Variants in VPS53 observed in about 807,000 individuals in gnomAD.
VPS53 encodes vacuolar protein sorting-associated protein 53 homolog.
VPS53 carries 70 observed loss-of-function variants against 107.0 expected under a neutral mutation model. That is an observed-to-expected ratio of 0.65 (90% CI 0.54 to 0.80). VPS53 has a LOEUF of 0.80. Among genes scored for constraint, VPS53 ranks in the 30% least tolerant of loss-of-function variants. The pLI is 0.00. For missense variants in VPS53, 917 were observed against 1,049.4 expected (o/e 0.87, Z 1.74); for synonymous variants, 409 against 393.3 (o/e 1.04, Z -0.47).
At chr17:707,735 G>A (rs909717735) in intron 2 of VPS53, among the ~76,000 whole-genome samples, 6 of 151,278 alleles carry the variant, frequency 4.0e-5, no homozygotes, top group African/African-American at 4.9e-5. Flanking sequence ...GCCTGTAGTC[G>A]CAGCTACTCA....
rs1369822764 is a variant in VPS53, at chr17:512,650, G to C, written c.*6478C>G. ...GCTGTTGAAAAGAAAGAATGGAAAC[G>C]AGGTAATGATCCTGGAGCCTAATGG... On this transcript the variant is annotated 3_prime_UTR_variant, in exon 22 of 22. Coordinates refer to ENST00000437048, the MANE Select transcript of VPS53 (RefSeq NM_001128159.3). 1.3e-5 allele frequency: 2 copies of C among 152,198 alleles called. No individual in the cohort carries two copies. The highest frequency in any genetic ancestry group is 6.5e-5 in the Admixed American group (1 of 15,272). 9.4% of individuals were successfully genotyped at this position (152,198 alleles called of 1,614,324 possible). A position where few individuals can be genotyped will look rare whatever the true frequency, so the allele number is the denominator to read the frequency against.
rs548838426 is a variant in VPS53 at position 524,957 on chromosome 17, G to A, written c.2086-3219C>T. Among the ~76,000 whole-genome samples, 24 of 152,004 alleles carry A rather than the reference G, an allele frequency of 1.6e-4. No individual in the cohort carries two copies. Among genetic ancestry groups the A allele is most frequent in the Non-Finnish European group, 3.4e-4 (23 of 67,860 alleles). ...GCATTAATACTTATATCCATTAGAG[G>A]AATTCTTGCCCATGTAAAAACGTTC... On this transcript the variant is annotated intron_variant, in intron 19 of 21. Coordinates refer to ENST00000437048, the MANE Select transcript of VPS53 (RefSeq NM_001128159.3). The surrounding 1 kb of genome is among the most constrained non-coding windows in gnomAD (Gnocchi z 4.5).
intron 13 of VPS53, among the ~76,000 whole-genome samples, chr17:576,987 A>C (rs1263157448): frequency 4.6e-5 from 7 of 151,154 alleles, no homozygotes; most frequent in Non-Finnish European, 1.0e-4. Flanking sequence ...ATGACTTAGC[A>C]GAGAACCTCC....
chr17:580,886 C>T (rs1387455020), intron 13 of VPS53, among the ~76,000 whole-genome samples: 8 of 149,426 alleles, frequency 5.4e-5, no homozygotes, highest in African/African-American at 1.5e-4. Flanking sequence ...TCAACGCATT[C>T]GCAGAGATCA....
intron 12 of VPS53, among the ~76,000 whole-genome samples, chr17:600,279 T>C (rs546933864): frequency 6.6e-6 from 1 of 152,320 alleles, no homozygotes; most frequent in South Asian, 2.1e-4. Flanking sequence ...ATTTCGGACA[T>C]GACCATGGCA....
chr17:550,935 G>C (rs898965040), intron 17 of VPS53, among the ~76,000 whole-genome samples: 1 of 152,088 alleles, frequency 6.6e-6, no homozygotes, highest in African/African-American at 2.4e-5. Flanking sequence ...AGAAGGAGTT[G>C]GAAAAACCTC....
chr17:527,369 C>T (rs567122174), intron 19 of VPS53, among the ~76,000 whole-genome samples: 1 of 152,316 alleles, frequency 6.6e-6, no homozygotes, highest in South Asian at 2.1e-4. Flanking sequence ...CTCACTGTAG[C>T]TTGTTTCCTG....
chr17:522,659 G>T (rs1908840474), intron 19 of VPS53, among the ~76,000 whole-genome samples: 1 of 152,192 alleles, frequency 6.6e-6, no homozygotes, highest in African/African-American at 2.4e-5. Flanking sequence ...AATTTCTCTG[G>T]ATGTTACTGA....
At chr17:697,135 T>G (rs1973000668) in intron 4 of VPS53, among the ~76,000 whole-genome samples, 1 of 151,988 alleles carries the variant, frequency 6.6e-6, no homozygotes, top group Non-Finnish European at 1.5e-5. Context: ...GCCCACAAAA[T>G]AAAAGAGGGC....
chr17:539,337 A>C (rs1309975581), intron 17 of VPS53: 1 of 152,190 alleles, frequency 6.6e-6, no homozygotes, highest in African/African-American at 2.4e-5. Context: ...CTTGATGATC[A>C]CTGGCCAAGT....
At chr17:623,726 G>A (rs767434927) in intron 10 of VPS53, 52 bp from the exon 11 acceptor site, 46 of 1,554,790 alleles carry the variant, frequency 3.0e-5, no homozygotes, top group Non-Finnish European at 3.1e-5. Flanking sequence ...CATTCATTCA[G>A]TAGAGATAAG....
intron 12 of VPS53, among the ~76,000 whole-genome samples, chr17:598,250 C>G (rs981773638): frequency 6.6e-6 from 1 of 152,200 alleles, no homozygotes. Flanking sequence ...GACGGAGTCT[C>G]GTTCACTCAG....
chr17:533,851 TTTTTTTGAG>T (rs1294762723), intron 18 of VPS53, among the ~76,000 whole-genome samples: 1 of 152,102 alleles, frequency 6.6e-6, no homozygotes, highest in African/African-American at 2.4e-5. Context: ...AACTTTTTTT[TTTTTTTGAG>T]ACAGAGTCTC....
At chr17:666,897 C>T (rs1191156095) in intron 4 of VPS53, among the ~76,000 whole-genome samples, 2 of 151,906 alleles carry the variant, frequency 1.3e-5, no homozygotes, top group African/African-American at 2.4e-5. Flanking sequence ...CCAGCCTAGG[C>T]GACAGAGCAA....
intron 4 of VPS53, among the ~76,000 whole-genome samples, chr17:678,476 A>T (rs1343116686): frequency 1.3e-5 from 2 of 150,938 alleles, no homozygotes; most frequent in East Asian, 2.0e-4. Context: ...ATTCTTTTTT[A>T]TTTTTTTTGA....
rs983024700 is a variant in VPS53 at position 699,453 on chromosome 17, T to G, written c.169-73A>C. On this transcript the variant is annotated intron_variant, in intron 2 of 21. Coordinates refer to ENST00000437048, the MANE Select transcript of VPS53 (RefSeq NM_001128159.3). Reference sequence around the variant, plus strand: ...ATTCCTCTTTCACAGGAAAATGATGTGCTATAATAGCTACTTATGAAATCT... The same window carrying G: ...ATTCCTCTTTCACAGGAAAATGATGGGCTATAATAGCTACTTATGAAATCT... 3.2e-6 allele frequency: 4 copies of G among 1,254,770 alleles called. No individual in the cohort carries two copies. In the African/African-American group the frequency reaches 4.7e-5, roughly 15 times the overall value. The allele number at this position is 1,254,770 out of a possible 1,614,324, so 77.7% of individuals were successfully genotyped here.
intron 4 of VPS53, among the ~76,000 whole-genome samples, chr17:693,905 AG>A (rs750109472): frequency 2.1e-4 from 32 of 152,226 alleles, no homozygotes; most frequent in Non-Finnish European, 3.8e-4. Context: ...TCCAGGGAAG[AG>A]GGGAACGTGG....
chr17:655,795 T>C (rs764896200), intron 6 of VPS53, 43 bp downstream of exon 6: 4 of 1,556,646 alleles, frequency 2.6e-6, no homozygotes, highest in Non-Finnish European at 3.5e-6. Flanking sequence ...CTCTATGCGA[T>C]ACATTTCCCG....
chr17:604,063 A>G (rs2143009300), intron 11 of VPS53, among the ~76,000 whole-genome samples: 1 of 152,336 alleles, frequency 6.6e-6, no homozygotes, highest in East Asian at 1.9e-4. Context: ...TGACAGACAC[A>G]GAATTTGAGT....
Sources: gnomAD v4.1 joint callset for allele counts (sites outside exome capture counted in the v4.1 genomes callset) on GRCh38, gnomAD v4.1.1 for gene constraint, Gnocchi (gnomAD v3.1) non-coding constraint, MANE v1.5 for transcripts, NCBI Gene and HGNC (gene_info 2026-07-23, HGNC 2026-07-21) for gene names.